PPFIA2: variants seen among roughly 807,000 people sequenced by gnomAD.
PPFIA2 encodes PPFI scaffold protein A2.
PPFIA2 carries 46 observed loss-of-function variants against 175.5 expected under a neutral mutation model. The observed-to-expected ratio is 0.26, with a 90% CI of 0.21 to 0.34. The LOEUF is 0.34. Ranked by LOEUF, PPFIA2 falls within the 10% of genes least tolerant of loss-of-function variation. The pLI is 1.00. For missense variants in PPFIA2, 1,179 were observed against 1,506.1 expected (o/e 0.78, Z 3.60); for synonymous variants, 568 against 511.4 (o/e 1.11, Z -1.49).
intron 4 of PPFIA2, among the ~76,000 whole-genome samples, chr12:81,614,518 G>A (rs531721721): frequency 1.3e-4 from 20 of 152,048 alleles, no homozygotes; most frequent in Non-Finnish European, 2.8e-4. Context: ...AAGATTATTG[G>A]TTTTACAGGA....
At chr12:81,366,996 A>G (rs752927816) in intron 14 of PPFIA2, 112 bp downstream of exon 14, 58 of 1,183,068 alleles carry the variant, frequency 4.9e-5, no homozygotes, top group Non-Finnish European at 6.6e-5. Context: ...ATTGTTTTAC[A>G]AAGATAGCAT....
rs929306228 is a variant in PPFIA2, at chr12:81,676,841, T to A, written c.253A>T (p.Ile85Phe). The change falls in exon 4 of 33, where the codon ATC (isoleucine) becomes TTC (phenylalanine). Residue 85 changes from isoleucine to phenylalanine, a missense_variant. By Grantham distance (21) the Ile-to-Phe change is conservative. Around this residue, in one of 10 missense-constraint regions of PPFIA2, gnomAD observed 128 missense variants for 141.4 expected, o/e 0.91. Transcript: ENST00000549396. ...RQLNSALPQD[I>F]ESLTGGLAGS... Reference sequence around the variant, plus strand: ...GCCAGCCCTCCTGTTAGGGATTCGATATCCTGAAAAGGGGAGAGGTGTTGA... The same window carrying A: ...GCCAGCCCTCCTGTTAGGGATTCGAAATCCTGAAAAGGGGAGAGGTGTTGA... The A allele has an allele frequency of 1.3e-6, 2 of 1,575,216 alleles. No homozygotes were observed. Among genetic ancestry groups the A allele is most frequent in the Non-Finnish European group, 1.7e-6 (2 of 1,161,614 alleles).
chr12:81,307,783 A>G (rs1472938505), intron 22 of PPFIA2, among the ~76,000 whole-genome samples: 2 of 152,174 alleles, frequency 1.3e-5, no homozygotes, highest in East Asian at 1.9e-4. Context: ...ACGCTTCACA[A>G]TCTGGCTGTC....
At chr12:81,578,797 A>C (rs1244195392) in intron 4 of PPFIA2, among the ~76,000 whole-genome samples, 1 of 151,798 alleles carries the variant, frequency 6.6e-6, no homozygotes, top group Non-Finnish European at 1.5e-5. Context: ...TCTTTTAGCC[A>C]TATCATGATG....
chr12:81,512,126 G>C (rs1316241622), intron 4 of PPFIA2, among the ~76,000 whole-genome samples: 1 of 152,000 alleles, frequency 6.6e-6, no homozygotes, highest in African/African-American at 2.4e-5. Context: ...CTGCTTTTAA[G>C]TTTTTTTCTG....
At chr12:81,430,363 A>C (rs548996525) in intron 7 of PPFIA2, 12 of 152,240 alleles carry the variant, frequency 7.9e-5, no homozygotes, top group African/African-American at 2.9e-4. Context: ...GAACTCATAC[A>C]TACTTTTAAT....
At chr12:81,561,840 C>T (rs752108081) in intron 4 of PPFIA2, among the ~76,000 whole-genome samples, 3 of 152,248 alleles carry the variant, frequency 2.0e-5, no homozygotes, top group Non-Finnish European at 4.4e-5. Context: ...AAAAAATTAA[C>T]TGCTTAAGAG....
At chr12:81,545,171 A>G (rs1054805088) in intron 4 of PPFIA2, among the ~76,000 whole-genome samples, 1 of 151,926 alleles carries the variant, frequency 6.6e-6, no homozygotes, top group Non-Finnish European at 1.5e-5. Flanking sequence ...CTAACTTACA[A>G]TATACAAGTA....
chr12:81,392,991 G>T (rs2142316234), intron 8 of PPFIA2, among the ~76,000 whole-genome samples: 1 of 151,896 alleles, frequency 6.6e-6, no homozygotes, highest in East Asian at 1.9e-4. Flanking sequence ...CCCTTGTCTG[G>T]GTCATCTACT....
chr12:81,418,227 T>A (rs1434126530), intron 7 of PPFIA2, among the ~76,000 whole-genome samples: 2 of 151,878 alleles, frequency 1.3e-5, no homozygotes, highest in Admixed American at 6.6e-5. Flanking sequence ...GGTTTGTCTC[T>A]TTCCTTAGCC....
intron 5 of PPFIA2, among the ~76,000 whole-genome samples, chr12:81,448,372 C>T (rs2051730400): frequency 6.6e-6 from 1 of 152,118 alleles, no homozygotes; most frequent in Non-Finnish European, 1.5e-5. Context: ...CATTTGTGTC[C>T]AAGACCTATA....
At chr12:81,479,762 T>G (rs1203265084) in intron 4 of PPFIA2, among the ~76,000 whole-genome samples, 1 of 152,224 alleles carries the variant, frequency 6.6e-6, no homozygotes, top group Non-Finnish European at 1.5e-5. Flanking sequence ...TCCACTCTTC[T>G]GCAGAGAGAT....
intron 4 of PPFIA2, among the ~76,000 whole-genome samples, chr12:81,557,723 A>G (rs1250337203): frequency 6.6e-6 from 1 of 152,104 alleles, no homozygotes; most frequent in Non-Finnish European, 1.5e-5. Flanking sequence ...ATAAAAATAC[A>G]CTAAGCTAGG....
chr12:81,267,199 T>G (rs932390295), intron 29 of PPFIA2, 179 bp from the exon 30 acceptor site: 6 of 165,226 alleles, frequency 3.6e-5, no homozygotes, highest in Admixed American at 6.9e-5. Flanking sequence ...AAAACAGGGC[T>G]TTTTTTTTTT....
chr12:81,384,264 A>G lies in PPFIA2; in HGVS notation c.763-20T>C. 2 of 1,387,510 alleles carry G rather than the reference A, an allele frequency of 1.4e-6. No individual in the cohort carries two copies. The highest frequency in any genetic ancestry group is 5.3e-5 in the East Asian group (2 of 37,946). The allele number at this position is 1,387,510 out of a possible 1,614,324, so 85.9% of individuals were successfully genotyped here. A position where few individuals can be genotyped will look rare whatever the true frequency, so the allele number is the denominator to read the frequency against. On this transcript the variant is annotated intron_variant, in intron 8 of 32. Transcript: ENST00000549396. ...CAAACGCTGCAGAAATAGAAAAAGA[A>G]ATGGCACTTAAGAATTTTCATCTTT...
chr12:81,489,218 C>T (rs1239427626), intron 4 of PPFIA2, among the ~76,000 whole-genome samples: 1 of 151,572 alleles, frequency 6.6e-6, no homozygotes, highest in Non-Finnish European at 1.5e-5. Flanking sequence ...CCTAGTTGCT[C>T]AGTATTCTAA....
At chr12:81,727,275 G>T (rs548928976) in intron 3 of PPFIA2, among the ~76,000 whole-genome samples, 1 of 151,342 alleles carries the variant, frequency 6.6e-6, no homozygotes, top group South Asian at 2.1e-4. Flanking sequence ...CATAGTACTA[G>T]GAGTCAGAAA....
chr12:81,313,957 A>G (rs576474187), intron 22 of PPFIA2, among the ~76,000 whole-genome samples: 14 of 152,072 alleles, frequency 9.2e-5, no homozygotes, highest in African/African-American at 3.4e-4. Context: ...TAAACAGAAA[A>G]CACAAATTTA....
intron 8 of PPFIA2, among the ~76,000 whole-genome samples, chr12:81,397,849 G>A (rs933513370): frequency 4.0e-5 from 6 of 151,806 alleles, no homozygotes; most frequent in Admixed American, 1.3e-4. Flanking sequence ...TAAGATCAGC[G>A]GCAGCATTAG....
Sources: gnomAD v4.1 joint callset for allele counts (sites outside exome capture counted in the v4.1 genomes callset) on GRCh38, gnomAD v4.1.1 for gene constraint, gnomAD v4.1.1 regional missense constraint, MANE v1.5 for transcripts, NCBI Gene and HGNC (gene_info 2026-07-23, HGNC 2026-07-21) for gene names.